Variants in TRIO observed in about 807,000 individuals in gnomAD.
TRIO encodes the protein triple functional domain protein.
TRIO carries 58 observed loss-of-function variants against 351.9 expected under a neutral mutation model. The observed-to-expected ratio is 0.16, with a 90% CI of 0.13 to 0.21. The LOEUF is 0.21. Ranked by LOEUF, TRIO falls within the 10% of genes least tolerant of loss-of-function variation. The pLI, the probability that TRIO is intolerant of heterozygous loss-of-function variation, is 1.00. For missense variants in TRIO, 3,201 were observed against 4,027.8 expected, an observed-to-expected ratio of 0.79 and a Z score of 5.56; for synonymous variants, 1,758 against 1,595.7, an observed-to-expected ratio of 1.10 and a Z score of -2.42.
At chr5:14,261,496 A>G (rs1795342517) in intron 1 of TRIO, among the ~76,000 whole-genome samples, 3 of 152,230 alleles carry the variant, frequency 2.0e-5, no homozygotes, top group South Asian at 2.1e-4. Context: ...ACAAAGGCGG[A>G]TGCTCAGCTT....
chr5:14,468,764 T>A (rs923766148), intron 37 of TRIO, among the ~76,000 whole-genome samples: 11 of 152,246 alleles, frequency 7.2e-5, no homozygotes, highest in African/African-American at 2.4e-4. Flanking sequence ...GCATTGTTTA[T>A]TCTTCAGAAA....
At chr5:14,258,063 C>G (rs939790479) in intron 1 of TRIO, among the ~76,000 whole-genome samples, 2 of 152,186 alleles carry the variant, frequency 1.3e-5, no homozygotes, top group African/African-American at 4.8e-5. Context: ...GGTGGCAAGC[C>G]CAGGCTCCTA....
rs1306506831 is a variant in TRIO at position 14,369,571 on chromosome 5, T to A, written c.3216+48T>A. The A allele has an allele frequency of 2.6e-6, 4 of 1,557,246 alleles. No individual in the cohort carries two copies. The South Asian group carries it at 4.8e-5, about 19-fold the overall frequency. ...GTGCACCCATCAGAGGCTTCCTGCCTGCCAGGTGCGCGTGGCACAGTCATC... is the reference window on the plus strand; with the variant it reads ...GTGCACCCATCAGAGGCTTCCTGCCAGCCAGGTGCGCGTGGCACAGTCATC... On this transcript the variant is annotated intron_variant, in intron 18 of 56. Coordinates refer to ENST00000344204, the MANE Select transcript of TRIO (RefSeq NM_007118.4).
intron 31 of TRIO, among the ~76,000 whole-genome samples, chr5:14,404,068 T>TGTGGTG (rs112230771): frequency 7.6e-6 from 1 of 132,428 alleles, no homozygotes; most frequent in African/African-American, 2.7e-5. Context: ...GGGTGCAGCT[T>TGTGGTG]GTGAGGGTGC....
At position 14,475,684 on chromosome 5, in the gene TRIO, T is replaced by G. The variant is rs574204171; in HGVS notation, c.6084-1210T>G. 7.9e-5 allele frequency among the ~76,000 whole-genome samples: 12 copies of G among 152,350 alleles called. No individual in the cohort carries two copies. The East Asian group carries it at 2.3e-3, about 29-fold the overall frequency. ...CTGTAGACTTACTGAACAACTACAG[T>G]GAAACCAATTCAAAAAGGGATATTT... On this transcript the variant is annotated intron_variant, in intron 40 of 56. Coordinates refer to ENST00000344204, the MANE Select transcript of TRIO (RefSeq NM_007118.4).
rs889791553 is a variant in TRIO, at chr5:14,286,521, G to A, written c.348-350G>A. On this transcript the variant is annotated intron_variant, in intron 3 of 56. Transcript: ENST00000344204. This position sits in a 1 kb window ranked among gnomAD's most constrained non-coding sequence, Gnocchi z 4.4. Reference sequence around the variant, plus strand: ...CGATGCTCCCTGGAGACCTTTGCTCGCAGGAGTGACTGGAGGAGTTCATGT... The same window carrying A: ...CGATGCTCCCTGGAGACCTTTGCTCACAGGAGTGACTGGAGGAGTTCATGT... Among the ~76,000 whole-genome samples the A allele has an allele frequency of 1.3e-5, 2 of 152,066 alleles. No homozygotes were observed. Among genetic ancestry groups the A allele is most frequent in the African/African-American group, 2.4e-5 (1 of 41,368 alleles).
intron 1 of TRIO, among the ~76,000 whole-genome samples, chr5:14,197,388 G>T (rs1446905667): frequency 6.6e-6 from 1 of 152,180 alleles, no homozygotes; most frequent in Non-Finnish European, 1.5e-5. Context: ...AAATGAGAAT[G>T]CTCTTTACCC....
At chr5:14,400,552 C>T (rs890575997) in intron 30 of TRIO, among the ~76,000 whole-genome samples, 2 of 152,186 alleles carry the variant, frequency 1.3e-5, no homozygotes, top group East Asian at 3.8e-4. Flanking sequence ...ACATCATTTG[C>T]CCTCTGGGAA....
intron 33 of TRIO, among the ~76,000 whole-genome samples, chr5:14,410,544 G>A (rs528083012): frequency 1.3e-5 from 2 of 152,328 alleles, no homozygotes; most frequent in African/African-American, 4.8e-5. Context: ...CTCTGATAAC[G>A]CAGGCAGATG....
intron 1 of TRIO, among the ~76,000 whole-genome samples, chr5:14,262,973 C>T (rs1008581510): frequency 6.6e-6 from 1 of 152,162 alleles, no homozygotes; most frequent in Non-Finnish European, 1.5e-5. Flanking sequence ...CTGCTTTCTT[C>T]TCTTCCATGA....
At chr5:14,376,539 TC>T (rs1463625247) in intron 19 of TRIO, among the ~76,000 whole-genome samples, 1 of 152,220 alleles carries the variant, frequency 6.6e-6, no homozygotes, top group East Asian at 1.9e-4. Flanking sequence ...CTTGCATCTT[TC>T]ACTTAATAAT....
At chr5:14,250,462 A>T (rs2152246376) in intron 1 of TRIO, among the ~76,000 whole-genome samples, 1 of 152,346 alleles carries the variant, frequency 6.6e-6, no homozygotes, top group South Asian at 2.1e-4. Flanking sequence ...AAATGACCAG[A>T]GTAGCCTCTT....
intron 49 of TRIO, among the ~76,000 whole-genome samples, chr5:14,495,389 A>C (rs1756805330): frequency 6.6e-6 from 1 of 152,228 alleles, no homozygotes. Flanking sequence ...ACAGTGCAAC[A>C]GCAGGGTTTG....
chr5:14,387,994 A>G (rs757396834), intron 23 of TRIO, 147 bp downstream of exon 23: 3 of 733,258 alleles, frequency 4.1e-6, no homozygotes, highest in Non-Finnish European at 6.8e-6. Flanking sequence ...GTCAGCACAG[A>G]CTTCGCTGCG....
chr5:14,232,852 A>G (rs1418620575), intron 1 of TRIO, among the ~76,000 whole-genome samples: 6 of 152,226 alleles, frequency 3.9e-5, no homozygotes. Context: ...GGAGTTTCTA[A>G]TATGTTTTTC....
chr5:14,365,594 C>A (rs1744525434), intron 15 of TRIO, among the ~76,000 whole-genome samples: 1 of 152,208 alleles, frequency 6.6e-6, no homozygotes, highest in African/African-American at 2.4e-5. Context: ...GACCTGCTAA[C>A]AAAGCCCTCC....
In TRIO at chr5:14,481,253, A is replaced by G; in HGVS notation, c.6356A>G (p.Lys2119Arg). The G allele has an allele frequency of 6.2e-7, 1 of 1,614,044 alleles. No homozygotes were observed. Among genetic ancestry groups the G allele is most frequent in the East Asian group, 2.2e-5 (1 of 44,888 alleles). ...TTGCAGGACTTCCTCAAGTATTCCA[A>G]AAAGGCCAGCCTGGATACATCAGAA... is the stretch of plus-strand genomic sequence containing the variant. ...LLLKDFLKYS[K>R]KASLDTSELE... is the part of the protein sequence containing the mutation. The change falls in exon 44 of 57, where the codon AAA becomes AGA. Residue 2119 changes from lysine to arginine, a missense_variant. Lys to Arg is a conservative substitution (Grantham distance 26, BLOSUM62 2). Coordinates refer to ENST00000344204, the MANE Select transcript of TRIO (RefSeq NM_007118.4).
At position 14,234,290 on chromosome 5, in the gene TRIO, C is replaced by T. The variant is rs114550296; in HGVS notation, c.158-36535C>T. Among the ~76,000 whole-genome samples, 994 of 152,270 alleles carry T rather than the reference C, an allele frequency of 6.5e-3. 5 individuals are homozygous for T. The highest frequency in any genetic ancestry group is 0.022 in the African/African-American group (931 of 41,548). ...AGTGGTGATAGTTGGACAAGCTGGG[C>T]AGTGGATAGGGGTGCCGGGCAGTAG... On this transcript the variant is annotated intron_variant, in intron 1 of 56. Transcript: ENST00000344204.
rs78159378 is a variant in TRIO at position 14,284,148 on chromosome 5, A to G, written c.348-2723A>G. 6.3e-3 allele frequency among the ~76,000 whole-genome samples: 955 copies of G among 152,236 alleles called. 13 individuals are homozygous for G. The highest frequency in any genetic ancestry group is 0.022 in the African/African-American group (924 of 41,528). On this transcript the variant is annotated intron_variant, in intron 3 of 56. Transcript: ENST00000344204. ...CTTCCTCTAGGAACGAAACAAGTAG[A>G]GTTTCTCTTTTTTAGGGACCTGTGT...
Sources: gnomAD v4.1 joint callset for allele counts (sites outside exome capture counted in the v4.1 genomes callset) on GRCh38, gnomAD v4.1.1 for gene constraint, Gnocchi (gnomAD v3.1) non-coding constraint, MANE v1.5 for transcripts, NCBI Gene and HGNC (gene_info 2026-07-23, HGNC 2026-07-21) for gene names.